Variants in MACF1 observed in about 807,000 individuals in gnomAD.
MACF1 encodes the protein microtubule actin crosslinking factor 1.
Under a neutral mutation model 854.8 loss-of-function variants are expected in MACF1, and 193 were observed. That is an observed-to-expected ratio of 0.23 (90% confidence interval 0.20 to 0.25). The LOEUF (loss-of-function observed/expected upper bound fraction) is 0.25, where lower values mean the gene tolerates loss of function less well. MACF1 is among the 10% of genes least tolerant of loss of function. The probability of loss-of-function intolerance (pLI) is 1.00; values close to 1 mark genes in which losing one functional copy is unlikely to be tolerated. For missense variants in MACF1, 7,722 were observed against 8,929.1 expected (o/e 0.86, Z 5.45); for synonymous variants, 3,185 against 3,226.7 (o/e 0.99, Z 0.44).
At position 39,244,250 on chromosome 1, in the gene MACF1, G is replaced by A. The variant is rs781217639; in HGVS notation, c.172-5764G>A. 5.3e-5 allele frequency among the ~76,000 whole-genome samples: 8 copies of A among 151,568 alleles called. No homozygotes were observed. The East Asian group carries it at 7.8e-4, about 15-fold the overall frequency. On this transcript the variant is annotated intron_variant, in intron 2 of 100. Transcript: ENST00000564288. Reference sequence around the variant, plus strand: ...CTCCTGAGTAGCTGGAATGTAAGGCGCGCCCCACCACGCCCCGCTAATTTT... The same window carrying A: ...CTCCTGAGTAGCTGGAATGTAAGGCACGCCCCACCACGCCCCGCTAATTTT...
intron 2 of MACF1, among the ~76,000 whole-genome samples, chr1:39,153,860 C>T (rs956608892): frequency 3.9e-5 from 6 of 152,176 alleles, no homozygotes; most frequent in Admixed American, 6.6e-5. Flanking sequence ...CGCTTCTCTC[C>T]ACCAGACACT....
intron 2 of MACF1, among the ~76,000 whole-genome samples, chr1:39,148,242 T>C (rs1643507228): frequency 6.6e-6 from 1 of 152,206 alleles, no homozygotes; most frequent in Non-Finnish European, 1.5e-5. Context: ...TTCTTCATCT[T>C]TGTTTTTTGG....
chr1:39,111,075 A>G (rs1036769205), intron 2 of MACF1, among the ~76,000 whole-genome samples: 1 of 152,208 alleles, frequency 6.6e-6, no homozygotes, highest in African/African-American at 2.4e-5. Flanking sequence ...ACTAGGTTGT[A>G]TGGAATGCTA....
intron 84 of MACF1, among the ~76,000 whole-genome samples, chr1:39,449,239 A>G (rs1019358847): frequency 2.0e-5 from 3 of 152,198 alleles, no homozygotes; most frequent in African/African-American, 7.2e-5. Context: ...TGAGAAAATG[A>G]CCATAAAGAG....
chr1:39,283,130 TA>T lies in MACF1; in HGVS notation c.696-56del. ...GAACTTTCAGGAGGTTTTCTTTGTG[TA>T]AACTCATGTGTGATGTGTAGATGGT... On this transcript the variant is annotated intron_variant, in intron 7 of 100. Coordinates refer to ENST00000564288, the MANE Select transcript of MACF1 (RefSeq NM_001394062.1). This position sits in a 1 kb window ranked among gnomAD's most constrained non-coding sequence, Gnocchi z 4.5. The T allele has an allele frequency of 9.3e-7, 1 of 1,074,616 alleles. No individual in the cohort carries two copies. Among genetic ancestry groups the T allele is most frequent in the Non-Finnish European group, 1.4e-6 (1 of 702,294 alleles). The allele number at this position is 1,074,616 out of a possible 1,614,324, so 66.6% of individuals were successfully genotyped here. A position where few individuals can be genotyped will look rare whatever the true frequency, so the allele number is the denominator to read the frequency against.
chr1:39,273,799 C>T (rs974993941), intron 6 of MACF1, among the ~76,000 whole-genome samples: 2 of 152,082 alleles, frequency 1.3e-5, no homozygotes, highest in Non-Finnish European at 1.5e-5. Flanking sequence ...ACCGTGTTAG[C>T]CAGGATGGTC....
In MACF1 at chr1:39,334,233, C is replaced by A. The variant is rs1444908898; in HGVS notation, c.7645C>A (p.Pro2549Thr). Residue 2549 changes from proline to threonine, a missense_variant, in exon 37 of 101, where the codon CCT becomes ACT. Coordinates refer to ENST00000564288, the MANE Select transcript of MACF1 (RefSeq NM_001394062.1). ...CTTAAACATCCATCAGATTTTTAATCCTGAAACGAAGGAAAATATTTCCCT... is the reference window on the plus strand; with the variant it reads ...CTTAAACATCCATCAGATTTTTAATACTGAAACGAAGGAAAATATTTCCCT... Reference protein sequence around the residue: ...ENLNIHQIFNPETKENISLPK... With the variant: ...ENLNIHQIFNTETKENISLPK... The A allele has an allele frequency of 4.3e-6, 7 of 1,613,998 alleles. No homozygotes were observed. Among genetic ancestry groups the A allele is most frequent in the Non-Finnish European group, 5.9e-6 (7 of 1,179,976 alleles).
chr1:39,219,497 C>T (rs776198078), intron 1 of MACF1, among the ~76,000 whole-genome samples: 1 of 152,164 alleles, frequency 6.6e-6, no homozygotes, highest in African/African-American at 2.4e-5. Flanking sequence ...CAATAAATAT[C>T]GAGCTCCACC....
At chr1:39,301,906 C>T (rs1030496721) in intron 22 of MACF1, among the ~76,000 whole-genome samples, 1 of 152,160 alleles carries the variant, frequency 6.6e-6, no homozygotes, top group Non-Finnish European at 1.5e-5. Flanking sequence ...TTGCATTTGT[C>T]ACACAGTATT....
At chr1:39,236,390 A>G (rs1385986144) in intron 2 of MACF1, among the ~76,000 whole-genome samples, 2 of 152,128 alleles carry the variant, frequency 1.3e-5, no homozygotes, top group African/African-American at 4.8e-5. Context: ...TGTGCTTGGA[A>G]TATCTTTCCC....
chr1:39,304,663 A>G (rs1646131465), intron 23 of MACF1: 1 of 456,104 alleles, frequency 2.2e-6, no homozygotes. Context: ...TCCTGTGTTC[A>G]CGCCATTCTC....
intron 1 of MACF1, among the ~76,000 whole-genome samples, chr1:39,226,685 T>C (rs983547456): frequency 6.6e-6 from 1 of 152,060 alleles, no homozygotes; most frequent in Non-Finnish European, 1.5e-5. Context: ...CATATTCAGG[T>C]CTAAATGAAA....
intron 85 of MACF1, 48 bp downstream of exon 85, chr1:39,451,259 T>TA (rs755606413): frequency 6.4e-6 from 10 of 1,568,192 alleles, no homozygotes; most frequent in Non-Finnish European, 8.7e-6. Flanking sequence ...GTCTTCTGTA[T>TA]ATGACTGCCT....
intron 2 of MACF1, among the ~76,000 whole-genome samples, chr1:39,107,707 G>C (rs1024418456): frequency 1.3e-5 from 2 of 152,206 alleles, no homozygotes; most frequent in African/African-American, 4.8e-5. Context: ...GTGACCAGGG[G>C]AAGGAGTTTG....
chr1:39,389,950 TAA>T (rs1641966386), intron 58 of MACF1, among the ~76,000 whole-genome samples: 1 of 152,230 alleles, frequency 6.6e-6, no homozygotes, highest in Admixed American at 6.5e-5. Flanking sequence ...AAAAATACTT[TAA>T]TTCTTTGCCT....
At chr1:39,094,299 TAGCC>T (rs1641882507) in intron 2 of MACF1, among the ~76,000 whole-genome samples, 1 of 151,088 alleles carries the variant, frequency 6.6e-6, no homozygotes, top group Non-Finnish European at 1.5e-5. Context: ...AAAGCAAAAT[TAGCC>T]AGGCAGGAGA....
Position 39,105,847 on chromosome 1 carries a change from G to C in MACF1, c.220+21409G>C, listed in dbSNP as rs1171977206. The C allele has an allele frequency of 4.2e-6, 3 of 715,372 alleles. No homozygotes were observed. The highest frequency in any genetic ancestry group is 1.9e-5 in the African/African-American group (1 of 51,864). 44.3% of individuals were successfully genotyped at this position (715,372 alleles called of 1,614,324 possible). A position where few individuals can be genotyped will look rare whatever the true frequency, so the allele number is the denominator to read the frequency against. Reference sequence around the variant, plus strand: ...CACCCACCGCGCGGGGCTTGGCCCTGAGCTGCTGCTTCTCGGGGCCAGTTT... The same window carrying C: ...CACCCACCGCGCGGGGCTTGGCCCTCAGCTGCTGCTTCTCGGGGCCAGTTT... On this transcript the variant is annotated intron_variant, in intron 2 of 93. Coordinates refer to the MACF1 transcript ENST00000361689. This position sits in a 1 kb window ranked among gnomAD's most constrained non-coding sequence, Gnocchi z 5.9.
intron 2 of MACF1, among the ~76,000 whole-genome samples, chr1:39,088,263 C>A (rs565708362): frequency 1.3e-5 from 2 of 152,070 alleles, no homozygotes; most frequent in African/African-American, 4.8e-5. Flanking sequence ...TGAGCCACCG[C>A]GCCTGGCCCG....
At chr1:39,109,747 C>G (rs1038463240) in intron 2 of MACF1, among the ~76,000 whole-genome samples, 2 of 152,116 alleles carry the variant, frequency 1.3e-5, no homozygotes, top group Non-Finnish European at 2.9e-5. Context: ...AAATTACTGT[C>G]TAAGAGCCAG....
Sources: allele counts gnomAD v4.1 joint callset (sites outside exome capture counted in the v4.1 genomes callset), GRCh38; gene constraint gnomAD v4.1.1; non-coding constraint Gnocchi (gnomAD v3.1); transcripts MANE v1.5; gene names NCBI Gene and HGNC (gene_info 2026-07-23, HGNC 2026-07-21).